Variants in NABP2 observed in about 807,000 individuals in gnomAD.
The protein encoded by NABP2 is SOSS complex subunit B1.
A neutral mutation model predicts 22.7 loss-of-function variants in NABP2; 7 were observed. The ratio of observed to expected loss-of-function variants is 0.31; its 90% confidence interval spans 0.18 to 0.58. The LOEUF (loss-of-function observed/expected upper bound fraction) is 0.58, where lower values mean the gene tolerates loss of function less well. Among genes scored for constraint, NABP2 ranks in the 20% least tolerant of loss-of-function variants. The pLI is 0.89. For missense variants in NABP2, 188 were observed against 265.9 expected (o/e 0.71, Z 2.04); for synonymous variants, 107 against 99.2 (o/e 1.08, Z -0.47).
chr12:56,225,042 A>G (rs1592366786), intron 2 of NABP2, 107 bp downstream of exon 2: 5 of 829,690 alleles, frequency 6.0e-6, no homozygotes, highest in Non-Finnish European at 7.9e-6. Flanking sequence ...GCAAGCTGCA[A>G]GACACTCCTC....
intron 1 of NABP2, 52 bp from the exon 2 acceptor site, chr12:56,224,782 A>T: frequency 6.6e-7 from 1 of 1,505,720 alleles, no homozygotes; most frequent in Non-Finnish European, 9.2e-7. Context: ...GAAGTGGAGC[A>T]TGGGGGCAAA....
chr12:56,223,399 A>C (rs1402487374), upstream of NABP2, among the ~76,000 whole-genome samples: 1 of 152,060 alleles, frequency 6.6e-6, no homozygotes, highest in Admixed American at 6.6e-5. Flanking sequence ...GTCTCTACAA[A>C]AAAAATACAG....
In NABP2 at chr12:56,226,173, T is replaced by C. The variant is rs780973929; in HGVS notation, c.291-6T>C. 1 of 1,614,020 alleles carries C rather than the reference T, an allele frequency of 6.2e-7. No individual in the cohort carries two copies. Among genetic ancestry groups the C allele is most frequent in the Non-Finnish European group, 8.5e-7 (1 of 1,179,904 alleles). On this transcript the variant is annotated splice_region_variant and splice_polypyrimidine_tract_variant and intron_variant, in intron 4 of 6. Transcript: ENST00000267023. ...TCAAGGCTTTAGCTACTTTCTTCCC[T>C]TGCAGATTCTGTATGGTTTATTCTG...
intron 2 of NABP2, 62 bp downstream of exon 2, chr12:56,224,997 T>A (rs1309681750): frequency 1.8e-5 from 22 of 1,234,362 alleles, no homozygotes; most frequent in Non-Finnish European, 2.6e-5. Context: ...GGAAGAACGC[T>A]GTCTGCGTTC....
intron 2 of NABP2, 133 bp downstream of exon 2, chr12:56,225,068 G>T: frequency 1.4e-6 from 1 of 721,712 alleles, no homozygotes; most frequent in East Asian, 2.7e-5. Context: ...CAATCTCTTC[G>T]ACCCTGGGAC....
At chr12:56,224,742 C>G (rs1433220751) in intron 1 of NABP2, 92 bp from the exon 2 acceptor site, 1 of 1,189,674 alleles carries the variant, frequency 8.4e-7, no homozygotes, top group East Asian at 2.4e-5. Context: ...GGCTGCCTGA[C>G]CCCAGCCTAA....
upstream of NABP2, chr12:56,222,094 T>C (rs1318150421): frequency 6.6e-6 from 1 of 152,254 alleles, no homozygotes; most frequent in Non-Finnish European, 1.5e-5. Context: ...AGAGTCTATA[T>C]GGTCCCAGCC....
chr12:56,226,029 T>C, intron 4 of NABP2, 150 bp from the exon 5 acceptor site: 2 of 710,428 alleles, frequency 2.8e-6, no homozygotes, highest in Non-Finnish European at 4.8e-6. Context: ...CCCAAACTCC[T>C]GGGCTGAAGT....
In NABP2 at chr12:56,224,656, C is replaced by T. The variant is rs531874442; in HGVS notation, c.-23-178C>T. 13 of 990,770 alleles carry T rather than the reference C, an allele frequency of 1.3e-5. No individual in the cohort carries two copies. The African/African-American group carries it at 1.9e-4, about 15-fold the overall frequency. The allele number at this position is 990,770 out of a possible 1,614,324, so 61.4% of individuals were successfully genotyped here. A position where few individuals can be genotyped will look rare whatever the true frequency, so the allele number is the denominator to read the frequency against. ...CCCCAAAGCAGCCTGTCCAGAGACCCCCAAATTCTGATCCTGAAGTTGGAG... is the reference window on the plus strand; with the variant it reads ...CCCCAAAGCAGCCTGTCCAGAGACCTCCAAATTCTGATCCTGAAGTTGGAG... On this transcript the variant is annotated intron_variant, in intron 1 of 6. Coordinates refer to ENST00000267023, the MANE Select transcript of NABP2 (RefSeq NM_024068.4).
In NABP2 at chr12:56,229,087, T is replaced by TTGCGGCCCC; in HGVS notation, c.510_511insTGCGGCCCC (p.Thr170_Pro171insCysGlyPro). 1 of 1,512,342 alleles carries TTGCGGCCCC rather than the reference T, an allele frequency of 6.6e-7. No homozygotes were observed. The highest frequency in any genetic ancestry group is 9.1e-7 in the Non-Finnish European group (1 of 1,102,012). The allele number at this position is 1,512,342 out of a possible 1,614,324, so 93.7% of individuals were successfully genotyped here. A position where few individuals can be genotyped will look rare whatever the true frequency, so the allele number is the denominator to read the frequency against. Reference sequence around the variant, plus strand: ...GTGGTGGCCCACATCCCCCTCATACTCCCTCCCACCCACCCAGCACCCGAA... The same window carrying TTGCGGCCCC: ...GTGGTGGCCCACATCCCCCTCATACTTGCGGCCCCCCCTCCCACCCACCCAGCACCCGAA... On this transcript the variant is annotated inframe_insertion, in exon 7 of 7. Transcript: ENST00000267023.
At chr12:56,226,049 G>A (rs1249500807) in intron 4 of NABP2, 130 bp from the exon 5 acceptor site, 22 of 794,960 alleles carry the variant, frequency 2.8e-5, no homozygotes, top group South Asian at 9.6e-5. Context: ...TGATCCTCCC[G>A]CTTCTGCCTC....
At chr12:56,224,753 T>G in intron 1 of NABP2, 81 bp from the exon 2 acceptor site, 1 of 1,244,546 alleles carries the variant, frequency 8.0e-7, no homozygotes, top group Non-Finnish European at 1.2e-6. Context: ...CCCAGCCTAA[T>G]GGGGTAGGTA....
At chr12:56,228,869 TC>T (rs1363827264) in intron 6 of NABP2, 144 bp from the exon 7 acceptor site, 2 of 729,580 alleles carry the variant, frequency 2.7e-6, no homozygotes, top group African/African-American at 3.5e-5. Context: ...CAGCCCACAG[TC>T]TTTTGCATTT....
intron 1 of NABP2, 80 bp from the exon 2 acceptor site, chr12:56,224,754 G>A (rs1460521632): frequency 7.9e-6 from 10 of 1,258,762 alleles, no homozygotes; most frequent in African/African-American, 5.9e-5. Flanking sequence ...CCAGCCTAAT[G>A]GGGTAGGTAG....
intron 1 of NABP2, 110 bp downstream of exon 1, chr12:56,224,551 G>A (rs1869668490): frequency 2.5e-6 from 3 of 1,207,994 alleles, no homozygotes; most frequent in South Asian, 2.2e-5. Flanking sequence ...CTGTGCACCG[G>A]GTTCCCTACC....
rs752318008 is a variant in NABP2, at chr12:56,229,313, C to G, written c.*100C>G. 3.0e-6 allele frequency: 4 copies of G among 1,352,544 alleles called. No individual in the cohort carries two copies. The highest frequency in any genetic ancestry group is 4.1e-6 in the Non-Finnish European group (4 of 967,402). The allele number at this position is 1,352,544 out of a possible 1,614,324, so 83.8% of individuals were successfully genotyped here. ...GGCTGGTGTAGCAGTATTTTAGCCA[C>G]TGAACTTCAGTGGAGGGTGGTGAGC... On this transcript the variant is annotated 3_prime_UTR_variant, in exon 7 of 7. Transcript: ENST00000267023.
In NABP2 at chr12:56,229,087, T is replaced by TAGC; in HGVS notation, c.510_511insAGC (p.Thr170_Pro171insSer). 6.6e-7 allele frequency: 1 copy of TAGC among 1,512,344 alleles called. No individual in the cohort carries two copies. Among genetic ancestry groups the TAGC allele is most frequent in the Non-Finnish European group, 9.1e-7 (1 of 1,102,014 alleles). 93.7% of individuals were successfully genotyped at this position (1,512,344 alleles called of 1,614,324 possible). On this transcript the variant is annotated inframe_insertion, in exon 7 of 7. Transcript: ENST00000267023. ...GTGGTGGCCCACATCCCCCTCATAC[T>TAGC]CCCTCCCACCCACCCAGCACCCGAA...
Position 56,229,127 on chromosome 12 carries a change from C to A in NABP2, c.550C>A (p.Pro184Thr). 6.2e-7 allele frequency: 1 copy of A among 1,607,966 alleles called. No individual in the cohort carries two copies. Among genetic ancestry groups the A allele is most frequent in the Non-Finnish European group, 8.5e-7 (1 of 1,178,956 alleles). ...CAGCACCCGAATCACTCGAAGCCAGCCCAACCACACACCTGCAGGCCCGCC... is the reference window on the plus strand; with the variant it reads ...CAGCACCCGAATCACTCGAAGCCAGACCAACCACACACCTGCAGGCCCGCC... ...PPSTRITRSQ[P>T]NHTPAGPPGP... The change falls in exon 7 of 7, where the codon CCC becomes ACC. Residue 184 changes from proline to threonine, a missense_variant. Pro to Thr is a conservative substitution (Grantham distance 38, BLOSUM62 -1). Coordinates refer to ENST00000267023, the MANE Select transcript of NABP2 (RefSeq NM_024068.4).
At chr12:56,227,277 G>A (rs1303598987) in intron 6 of NABP2, among the ~76,000 whole-genome samples, 5 of 151,686 alleles carry the variant, frequency 3.3e-5, no homozygotes, top group African/African-American at 7.3e-5. Flanking sequence ...TTGGGAGGCC[G>A]AGGCAGGCGA....
Sources: gnomAD v4.1 joint callset for allele counts (sites outside exome capture counted in the v4.1 genomes callset) on GRCh38, gnomAD v4.1.1 for gene constraint, MANE v1.5 for transcripts, NCBI Gene and HGNC (gene_info 2026-07-23, HGNC 2026-07-21) for gene names.